TRAF7: variants seen among roughly 807,000 people sequenced by gnomAD.
TRAF7 encodes the protein TNF receptor associated factor 7, also known as E3 ubiquitin-protein ligase TRAF7.
In TRAF7, 45 loss-of-function variants were observed where a neutral mutation model predicts 89.3. The observed-to-expected ratio is 0.50, with a 90% CI of 0.40 to 0.65. The LOEUF (loss-of-function observed/expected upper bound fraction) is 0.65, where lower values mean the gene tolerates loss of function less well. TRAF7 is among the 30% of genes least tolerant of loss of function. TRAF7 has a pLI of 0.00. For missense variants in TRAF7, 677 were observed against 918.1 expected (o/e 0.74, Z 3.39); for synonymous variants, 406 against 369.2 (o/e 1.10, Z -1.14).
At chr16:2,164,134 G>GT (rs2093068547) in intron 2 of TRAF7, 133 bp downstream of exon 2, 2 of 711,790 alleles carry the variant, frequency 2.8e-6, no homozygotes, top group Non-Finnish European at 4.6e-6. Context: ...GGTGGGGGGG[G>GT]GTGTGGTGTG....
chr16:2,174,771 G>A (rs867797818), intron 14 of TRAF7, among the ~76,000 whole-genome samples: 1 of 152,216 alleles, frequency 6.6e-6, no homozygotes, highest in Non-Finnish European at 1.5e-5. Flanking sequence ...TTGTGGGAGC[G>A]AGCAAGTAAG....
intron 2 of TRAF7, among the ~76,000 whole-genome samples, chr16:2,165,039 T>C (rs1343593346): frequency 3.3e-5 from 4 of 122,524 alleles, no homozygotes; most frequent in Non-Finnish European, 6.4e-5. Context: ...GAGTGCTGCA[T>C]GGCCTGGCCT....
At chr16:2,169,567 G>C (rs571743594) in intron 4 of TRAF7, among the ~76,000 whole-genome samples, 4 of 152,274 alleles carry the variant, frequency 2.6e-5, no homozygotes, top group Admixed American at 2.0e-4. Flanking sequence ...AGGCCTGCCT[G>C]CTGTCAGCCC....
intron 14 of TRAF7, 63 bp downstream of exon 14, chr16:2,174,396 G>A (rs997810878): frequency 6.5e-6 from 10 of 1,535,836 alleles, no homozygotes; most frequent in Middle Eastern, 1.7e-4. Flanking sequence ...CTGCCACCCC[G>A]TGGGCCGTGA....
intron 2 of TRAF7, among the ~76,000 whole-genome samples, chr16:2,164,220 G>A (rs1474517946): frequency 6.6e-6 from 1 of 151,204 alleles, no homozygotes; most frequent in Non-Finnish European, 1.5e-5. Context: ...AGTGCTGTGT[G>A]GCGCGGCCTG....
At position 2,163,297 on chromosome 16, in the gene TRAF7, C is replaced by T. The variant is rs1374395529; in HGVS notation, c.-38-586C>T. 6.6e-6 allele frequency among the ~76,000 whole-genome samples: 1 copy of T among 152,188 alleles called. No individual in the cohort carries two copies. Among genetic ancestry groups the T allele is most frequent in the African/African-American group, 2.4e-5 (1 of 41,458 alleles). On this transcript the variant is annotated intron_variant, in intron 1 of 20. Transcript: ENST00000326181. The surrounding 1 kb of genome is among the most constrained non-coding windows in gnomAD (Gnocchi z 4.3). Reference sequence around the variant, plus strand: ...CTCATCTCTCTCCTGTGCTTTTTTCCGTGCAGTGCGGTTTGTGTGGAGTTG... The same window carrying T: ...CTCATCTCTCTCCTGTGCTTTTTTCTGTGCAGTGCGGTTTGTGTGGAGTTG...
rs1010893677 is a variant in TRAF7, at chr16:2,163,813, C to G, written c.-38-70C>G. The G allele has an allele frequency of 4.8e-6, 5 of 1,036,264 alleles. No individual in the cohort carries two copies. Among genetic ancestry groups the G allele is most frequent in the African/African-American group, 3.2e-5 (2 of 63,372 alleles). The allele number at this position is 1,036,264 out of a possible 1,614,324, so 64.2% of individuals were successfully genotyped here. A position where few individuals can be genotyped will look rare whatever the true frequency, so the allele number is the denominator to read the frequency against. ...GCCCCACAGCAGGTCTGCACACTTG[C>G]AGCAGCCCGTCTGACTCACAGGGGC... On this transcript the variant is annotated intron_variant, in intron 1 of 20. Transcript: ENST00000326181. This position sits in a 1 kb window ranked among gnomAD's most constrained non-coding sequence, Gnocchi z 4.3.
intron 9 of TRAF7, 133 bp downstream of exon 9, chr16:2,172,732 T>A: frequency 8.4e-7 from 1 of 1,184,168 alleles, no homozygotes; most frequent in Non-Finnish European, 1.2e-6. Context: ...TAATCCTCTC[T>A]GAGGCCCAAG....
At chr16:2,173,857 G>GCGGGGGCCCCC in intron 12 of TRAF7, 21 bp downstream of exon 12, 1 of 1,607,494 alleles carries the variant, frequency 6.2e-7, no homozygotes, top group Non-Finnish European at 8.5e-7. Context: ...ACCCGCCGTG[G>GCGGGGGCCCCC]CTCCCGCCCA....
At chr16:2,160,223 C>G (rs1333161536) in intron 1 of TRAF7, among the ~76,000 whole-genome samples, 1 of 152,060 alleles carries the variant, frequency 6.6e-6, no homozygotes, top group Non-Finnish European at 1.5e-5. Context: ...GGAGGGGCTG[C>G]CCTGCGTTGG....
Position 2,172,348 on chromosome 16 carries a change from C to G in TRAF7, c.633C>G (p.Pro211=), listed in dbSNP as rs1224706427. 2 of 1,612,262 alleles carry G rather than the reference C, an allele frequency of 1.2e-6. No individual in the cohort carries two copies. The highest frequency in any genetic ancestry group is 1.7e-6 in the Non-Finnish European group (2 of 1,179,810). ...PIFEVDPRGC[P]FTIKLSARKD... Reference sequence around the variant, plus strand: ...TTGAGGTGGACCCCCGAGGGTGCCCCTTCACCATCAAGCTCAGCGCCCGGA... The same window carrying G: ...TTGAGGTGGACCCCCGAGGGTGCCCGTTCACCATCAAGCTCAGCGCCCGGA... The change falls in exon 8 of 21, where the codon CCC becomes CCG. Residue 211 remains proline (P), a synonymous_variant. Coordinates refer to ENST00000326181, the MANE Select transcript of TRAF7 (RefSeq NM_032271.3).
At chr16:2,165,988 C>T (rs745424557) in intron 3 of TRAF7, 52 bp downstream of exon 3, 1 of 1,605,930 alleles carries the variant, frequency 6.2e-7, no homozygotes, top group Non-Finnish European at 8.5e-7. Context: ...GGGGCACCCC[C>T]ATGCCCACCC....
At position 2,176,906 on chromosome 16, in the gene TRAF7, C is replaced by T; in HGVS notation, c.*332C>T. The T allele has an allele frequency of 2.0e-6, 1 of 503,172 alleles. No homozygotes were observed. The highest frequency in any genetic ancestry group is 3.6e-6 in the Non-Finnish European group (1 of 275,214). 31.2% of individuals were successfully genotyped at this position (503,172 alleles called of 1,614,324 possible). A position where few individuals can be genotyped will look rare whatever the true frequency, so the allele number is the denominator to read the frequency against. ...TTAGACTGTATGTAGATTTGGTTACCTCCTGGTTGAAATAAATGCTCCACA... is the reference window on the plus strand; with the variant it reads ...TTAGACTGTATGTAGATTTGGTTACTTCCTGGTTGAAATAAATGCTCCACA... On this transcript the variant is annotated 3_prime_UTR_variant, in exon 21 of 21. Coordinates refer to ENST00000326181, the MANE Select transcript of TRAF7 (RefSeq NM_032271.3).
intron 3 of TRAF7, among the ~76,000 whole-genome samples, chr16:2,167,120 A>G (rs965819590): frequency 6.6e-6 from 1 of 151,914 alleles, no homozygotes; most frequent in African/African-American, 2.4e-5. Flanking sequence ...CCCCCAAAAA[A>G]CGGTGCCTTT....
In TRAF7 at chr16:2,159,962, T is replaced by G. The variant is rs947839364; in HGVS notation, c.-38-3921T>G. ...CCAGGTGTGTCTCCAGGGAAAGGGGTGGGTGTCCGCATCCCACATGCCCCC... is the reference window on the plus strand; with the variant it reads ...CCAGGTGTGTCTCCAGGGAAAGGGGGGGGTGTCCGCATCCCACATGCCCCC... On this transcript the variant is annotated intron_variant, in intron 1 of 20. Coordinates refer to ENST00000326181, the MANE Select transcript of TRAF7 (RefSeq NM_032271.3). The surrounding 1 kb of genome is among the most constrained non-coding windows in gnomAD (Gnocchi z 6.5). Among the ~76,000 whole-genome samples, 1 of 151,972 alleles carries G rather than the reference T, an allele frequency of 6.6e-6. No individual in the cohort carries two copies. The highest frequency in any genetic ancestry group is 1.5e-5 in the Non-Finnish European group (1 of 67,940).
Position 2,173,372 on chromosome 16 carries a change from C to T in TRAF7, c.985C>T (p.Leu329=). ...LGKLSEKIDQ[L]EKSLELKFDV... ...AAAGCTCTCGGAGAAGATCGACCAG[C>T]TAGAGAAGAGCCTGGAGCTCAAGTT... Residue 329 remains leucine (L), a synonymous_variant, in exon 10 of 21, where the codon CTA becomes TTA. Coordinates refer to ENST00000326181, the MANE Select transcript of TRAF7 (RefSeq NM_032271.3). 1 of 1,613,556 alleles carries T rather than the reference C, an allele frequency of 6.2e-7. No homozygotes were observed. The highest frequency in any genetic ancestry group is 8.5e-7 in the Non-Finnish European group (1 of 1,179,992).
At chr16:2,173,151 C>T (rs540500111) in intron 9 of TRAF7, 31 bp from the exon 10 acceptor site, 31 of 1,584,152 alleles carry the variant, frequency 2.0e-5, no homozygotes, top group African/African-American at 1.5e-4. Flanking sequence ...GGCAGGGACC[C>T]GCCAGGCAGG....
At position 2,161,194 on chromosome 16, in the gene TRAF7, CCCCT is replaced by C. The variant is rs2093057044; in HGVS notation, c.-38-2678_-38-2675del. Among the ~76,000 whole-genome samples, 2 of 134,022 alleles carry C rather than the reference CCCCT, an allele frequency of 1.5e-5. No homozygotes were observed. The highest frequency in any genetic ancestry group is 7.3e-5 in the Admixed American group (1 of 13,698). 87.9% of individuals were successfully genotyped at this position (134,022 alleles called of 152,430 possible). ...CCCTCCTTCCCTCCCTCCTTCCGTC[CCCCT>C]CCCTCCCTCCGTCCCCCTGCTTCCC... On this transcript the variant is annotated intron_variant, in intron 1 of 20. Transcript: ENST00000326181. The surrounding 1 kb of genome is among the most constrained non-coding windows in gnomAD (Gnocchi z 5.2).
rs1412147424 is a variant in TRAF7, at chr16:2,178,042, T to C, written c.*1468T>C. On this transcript the variant is annotated 3_prime_UTR_variant, in exon 21 of 21. Transcript: ENST00000326181. ...AATCAATAATATTTCTTTCTTTAAA[T>C]ATATATTTGTTAAAGTTATACCTTT... 4 of 458,030 alleles carry C rather than the reference T, an allele frequency of 8.7e-6. No individual in the cohort carries two copies. Among genetic ancestry groups the C allele is most frequent in the Non-Finnish European group, 1.6e-5 (4 of 243,094 alleles). 28.4% of individuals were successfully genotyped at this position (458,030 alleles called of 1,614,324 possible).
Sources: allele counts gnomAD v4.1 joint callset (sites outside exome capture counted in the v4.1 genomes callset), GRCh38; gene constraint gnomAD v4.1.1; non-coding constraint Gnocchi (gnomAD v3.1); transcripts MANE v1.5; gene names NCBI Gene and HGNC (gene_info 2026-07-23, HGNC 2026-07-21).